Variants in TEX15 observed in about 807,000 individuals in gnomAD.
The protein encoded by TEX15 is testis expressed 15, meiosis and synapsis associated.
A neutral mutation model predicts 237.3 loss-of-function variants in TEX15; 171 were observed. That is an observed-to-expected ratio of 0.72 (90% CI 0.64 to 0.82). The LOEUF (loss-of-function observed/expected upper bound fraction) is 0.82. Among genes scored for constraint, TEX15 ranks in the 40% least tolerant of loss-of-function variants. The probability of loss-of-function intolerance (pLI) is 0.00; values close to 1 mark genes in which losing one functional copy is unlikely to be tolerated. For synonymous variants in TEX15, 1,338 were observed against 1,269.8 expected, an observed-to-expected ratio of 1.05 and a Z score of -1.14; for missense variants, 3,750 against 3,646.5, an observed-to-expected ratio of 1.03 and a Z score of -0.73.
At chr8:30,911,910 C>A (rs953280271) in intron 1 of TEX15, among the ~76,000 whole-genome samples, 1 of 152,190 alleles carries the variant, frequency 6.6e-6, no homozygotes, top group Non-Finnish European at 1.5e-5. Context: ...TCTTCCTGCA[C>A]CCGCACCACG....
At chr8:30,889,960 T>TACAC (rs1808763006) in intron 2 of TEX15, among the ~76,000 whole-genome samples, 7 of 144,976 alleles carry the variant, frequency 4.8e-5, no homozygotes, top group African/African-American at 1.8e-4. Context: ...TATACATATA[T>TACAC]ATATATATGT....
Position 30,844,007 on chromosome 8 carries a change from C to T in TEX15, c.6160G>A (p.Asp2054Asn), listed in dbSNP as rs745531408. Residue 2054 changes from aspartate (D) to asparagine (N), a missense_variant, in exon 8 of 11, where the codon GAC becomes AAC. Coordinates refer to ENST00000643185, the MANE Select transcript of TEX15 (RefSeq NM_001350162.2). ...QILISRELLV[D>N]QNLWNNCKHT... Reference sequence around the variant, plus strand: ...TTGCAATTATTCCACAGGTTTTGGTCTACCAACAGTTCTCTTGAAATCAGG... The same window carrying T: ...TTGCAATTATTCCACAGGTTTTGGTTTACCAACAGTTCTCTTGAAATCAGG... 5.0e-6 allele frequency: 8 copies of T among 1,612,330 alleles called. 1 individual carries two copies. The South Asian group carries it at 6.6e-5, about 13-fold the overall frequency.
At chr8:30,882,921 G>A (rs1240477572) in intron 3 of TEX15, among the ~76,000 whole-genome samples, 3 of 152,040 alleles carry the variant, frequency 2.0e-5, no homozygotes, top group African/African-American at 4.8e-5. Context: ...ACAGGCACAT[G>A]TCACCATGGC....
In TEX15 at chr8:30,842,699, C is replaced by G; in HGVS notation, c.7468G>C (p.Glu2490Gln). The G allele has an allele frequency of 6.2e-7, 1 of 1,613,152 alleles. No homozygotes were observed. The highest frequency in any genetic ancestry group is 1.1e-5 in the South Asian group (1 of 91,056). Residue 2490 changes from glutamate to glutamine, a missense_variant, in exon 8 of 11, where the codon GAA (glutamate) becomes CAA (glutamine). Physicochemically the swap from Glu to Gln is conservative, Grantham distance 29. Coordinates refer to ENST00000643185, the MANE Select transcript of TEX15 (RefSeq NM_001350162.2). The stretch of plus-strand genomic sequence containing the variant: ...AGAAATGAAAAAGAAGCCATTTTTT[C>G]TTGGCACTGAACCAGCTCAGGAAGA... ...SLLPELVQCQ[E>Q]KMASFSFLKD...
At chr8:30,875,156 C>A in intron 3 of TEX15, 54 bp from the exon 4 acceptor site, 4 of 1,107,130 alleles carry the variant, frequency 3.6e-6, no homozygotes, top group Non-Finnish European at 3.4e-6. Flanking sequence ...TATTGGACAT[C>A]TGTACAATGA....
At chr8:30,849,848 G>A (rs1043099102) in intron 7 of TEX15, among the ~76,000 whole-genome samples, 6 of 151,874 alleles carry the variant, frequency 4.0e-5, no homozygotes, top group South Asian at 2.1e-4. Context: ...GCAGCGAGCC[G>A]AGATTGCGCC....
At chr8:30,856,271 C>T (rs1033108712) in intron 7 of TEX15, among the ~76,000 whole-genome samples, 13 of 151,418 alleles carry the variant, frequency 8.6e-5, no homozygotes, top group Admixed American at 6.6e-5. Flanking sequence ...ATGTGAGCTT[C>T]GGCAGGGTTC....
chr8:30,894,798 T>C (rs958598529), intron 2 of TEX15, among the ~76,000 whole-genome samples: 1 of 152,200 alleles, frequency 6.6e-6, no homozygotes, highest in African/African-American at 2.4e-5. Flanking sequence ...TGTGAAGGTA[T>C]TGGGAGGTGG....
At chr8:30,893,592 T>C (rs1421419046) in intron 2 of TEX15, among the ~76,000 whole-genome samples, 2 of 152,252 alleles carry the variant, frequency 1.3e-5, no homozygotes, top group Admixed American at 6.5e-5. Flanking sequence ...ATAAATTCTA[T>C]TCTTTAGTAG....
chr8:30,874,610 G>A (rs955394917), intron 4 of TEX15, among the ~76,000 whole-genome samples: 1 of 152,040 alleles, frequency 6.6e-6, no homozygotes, highest in Non-Finnish European at 1.5e-5. Context: ...TGATTACTTC[G>A]ACTGCAGTTT....
chr8:30,881,922 C>T (rs1808535631), intron 3 of TEX15, among the ~76,000 whole-genome samples: 1 of 152,066 alleles, frequency 6.6e-6, no homozygotes, highest in Admixed American at 6.5e-5. Context: ...CGCACCCAGC[C>T]TTTCTTTTTC....
chr8:30,856,031 T>C (rs1807903606), intron 7 of TEX15, among the ~76,000 whole-genome samples: 1 of 152,022 alleles, frequency 6.6e-6, no homozygotes, highest in African/African-American at 2.4e-5. Context: ...CTGCATCCTC[T>C]GACCCCCAGG....
At chr8:30,882,525 A>G (rs549466603) in intron 3 of TEX15, among the ~76,000 whole-genome samples, 154 of 152,188 alleles carry the variant, frequency 1.0e-3, no homozygotes, top group African/African-American at 3.3e-3. Context: ...TGACCTTGTG[A>G]TCTGCCCACC....
chr8:30,842,107 T>G lies in TEX15; in HGVS notation c.8060A>C (p.Asn2687Thr), dbSNP rs1270303386. The stretch of plus-strand genomic sequence containing the variant: ...TCGTTTTTTAGAGGAATTTGAGATG[T>G]TTTTGTTTATGCACTCTGATACTGG... ...LPPVSECINK[N>T]ISNSSKKRPS... Residue 2687 changes from asparagine to threonine, a missense_variant, in exon 8 of 11, where the codon AAC becomes ACC. Asn to Thr is a moderately conservative substitution (Grantham distance 65). Transcript: ENST00000643185. The G allele has an allele frequency of 7.4e-6, 12 of 1,613,608 alleles. No individual in the cohort carries two copies. Among genetic ancestry groups the G allele is most frequent in the Non-Finnish European group, 9.3e-6 (11 of 1,179,840 alleles).
chr8:30,837,408 GT>G lies in TEX15; in HGVS notation c.8875del (p.Thr2959LeufsTer8). The part of the protein sequence containing the change: ...LQINKLQPTE[T>X]ESEDKYMKDT... Reference sequence around the variant, plus strand: ...CTTCATGTATTTGTCCTCTGACTCAGTTTCTGTAGGCTGTAGTTTGTTTATC... The same window carrying G: ...CTTCATGTATTTGTCCTCTGACTCAGTTCTGTAGGCTGTAGTTTGTTTATC... On this transcript the variant is annotated frameshift_variant, in exon 10 of 11. Coordinates refer to ENST00000643185, the MANE Select transcript of TEX15 (RefSeq NM_001350162.2). LOFTEE classifies it high-confidence loss of function. 6.2e-7 allele frequency: 1 copy of G among 1,614,142 alleles called. No homozygotes were observed. The highest frequency in any genetic ancestry group is 8.5e-7 in the Non-Finnish European group (1 of 1,180,004).
At chr8:30,895,468 C>T (rs1417964573) in intron 2 of TEX15, among the ~76,000 whole-genome samples, 1 of 151,860 alleles carries the variant, frequency 6.6e-6, no homozygotes, top group Non-Finnish European at 1.5e-5. Flanking sequence ...CAGTAAAATC[C>T]ATCTATTAAT....
At chr8:30,835,168 G>C (rs1336582241) in intron 10 of TEX15, among the ~76,000 whole-genome samples, 1 of 151,842 alleles carries the variant, frequency 6.6e-6, no homozygotes, top group Non-Finnish European at 1.5e-5. Context: ...GCAGTGGCGC[G>C]ATCTCGGCTC....
At position 30,843,192 on chromosome 8, in the gene TEX15, T is replaced by A; in HGVS notation, c.6975A>T (p.Glu2325Asp). The A allele has an allele frequency of 6.2e-7, 1 of 1,613,526 alleles. No individual in the cohort carries two copies. Among genetic ancestry groups the A allele is most frequent in the Non-Finnish European group, 8.5e-7 (1 of 1,179,656 alleles). Residue 2325 changes from glutamate to aspartate, a missense_variant, in exon 8 of 11, where the codon GAA becomes GAT. Glu to Asp is a conservative substitution (Grantham distance 45). Transcript: ENST00000643185. ...CCTCAAGCCCAATAGGGGAAATTGG[T>A]TCATTGTTTAAATCTTTAGACAAAG... ...YDTLSKDLNN[E>D]PISPIGLEED...
intron 2 of TEX15, among the ~76,000 whole-genome samples, chr8:30,890,165 A>G (rs1200965470): frequency 1.3e-5 from 2 of 151,538 alleles, no homozygotes; most frequent in East Asian, 1.9e-4. Flanking sequence ...CAGGTATTCA[A>G]AATAATAACT....
Sources: allele counts gnomAD v4.1 joint callset (sites outside exome capture counted in the v4.1 genomes callset), GRCh38; gene constraint gnomAD v4.1.1; transcripts MANE v1.5; gene names NCBI Gene and HGNC (gene_info 2026-07-23, HGNC 2026-07-21).